Variants in SGK3 observed in about 807,000 individuals in gnomAD.
SGK3 encodes the protein serine/threonine-protein kinase Sgk3.
In SGK3, 47 loss-of-function variants were observed where a neutral mutation model predicts 68.5. That is an observed-to-expected ratio of 0.69 (90% CI 0.54 to 0.87). The LOEUF (loss-of-function observed/expected upper bound fraction) is 0.87. SGK3 is among the 40% of genes least tolerant of loss of function. The probability of loss-of-function intolerance (pLI) is 0.00; values close to 1 mark genes in which losing one functional copy is unlikely to be tolerated. For missense variants in SGK3, 479 were observed against 575.5 expected, an observed-to-expected ratio of 0.83 and a Z score of 1.72; for synonymous variants, 181 against 189.1, an observed-to-expected ratio of 0.96 and a Z score of 0.35.
At chr8:66,792,847 G>A (rs1455054344) in intron 1 of SGK3, among the ~76,000 whole-genome samples, 1 of 152,182 alleles carries the variant, frequency 6.6e-6, no homozygotes, top group Non-Finnish European at 1.5e-5. Context: ...AGGCTGCAGT[G>A]CAGCATGATT....
At chr8:66,744,400 A>T (rs774296419) in intron 1 of SGK3, among the ~76,000 whole-genome samples, 146 of 143,060 alleles carry the variant, frequency 1.0e-3, no homozygotes, top group Non-Finnish European at 1.4e-3. Context: ...GGACCTTTTA[A>T]ATCTGGAATT....
intron 1 of SGK3, among the ~76,000 whole-genome samples, chr8:66,786,145 G>T (rs1434431234): frequency 1.3e-5 from 2 of 152,278 alleles, no homozygotes; most frequent in Admixed American, 6.5e-5. Context: ...GAATAAATAT[G>T]TACTACATGT....
chr8:66,783,376 C>T (rs1184207951), intron 1 of SGK3, among the ~76,000 whole-genome samples: 1 of 152,158 alleles, frequency 6.6e-6, no homozygotes, highest in Non-Finnish European at 1.5e-5. Flanking sequence ...GCTGTATCTT[C>T]TGCAAATGTT....
intron 1 of SGK3, among the ~76,000 whole-genome samples, chr8:66,742,011 A>T (rs952381567): frequency 2.6e-5 from 4 of 152,232 alleles, no homozygotes; most frequent in African/African-American, 9.6e-5. Context: ...AGTGACGTCT[A>T]GTTTGATGTC....
intron 15 of SGK3, among the ~76,000 whole-genome samples, chr8:66,848,177 T>C (rs1039719219): frequency 2.6e-5 from 4 of 152,176 alleles, no homozygotes; most frequent in Admixed American, 2.0e-4. Context: ...TTCCAGACAG[T>C]CTTGCTAATA....
intron 14 of SGK3, among the ~76,000 whole-genome samples, chr8:66,846,400 C>T (rs1359019971): frequency 1.3e-5 from 2 of 152,096 alleles, no homozygotes; most frequent in Non-Finnish European, 2.9e-5. Context: ...CTGCATCCTC[C>T]GCCTCCCAGG....
At chr8:66,836,538 G>A (rs1435521687) in intron 10 of SGK3, among the ~76,000 whole-genome samples, 1 of 151,728 alleles carries the variant, frequency 6.6e-6, no homozygotes. Context: ...CTACTCAGGA[G>A]GCTGAGGCAG....
Position 66,793,677 on chromosome 8 carries a change from G to T in SGK3, c.-60G>T. On this transcript the variant is annotated 5_prime_UTR_variant, in exon 2 of 17. Transcript: ENST00000521198. Reference sequence around the variant, plus strand: ...TTTGTATTTTGGATTAGTTAATTGGGTTTGTCCTCTGCTGACTGTTTCTTC... The same window carrying T: ...TTTGTATTTTGGATTAGTTAATTGGTTTTGTCCTCTGCTGACTGTTTCTTC... 6.5e-7 allele frequency: 1 copy of T among 1,532,492 alleles called. No individual in the cohort carries two copies. Among genetic ancestry groups the T allele is most frequent in the Non-Finnish European group, 8.9e-7 (1 of 1,124,350 alleles). The allele number at this position is 1,532,492 out of a possible 1,614,324, so 94.9% of individuals were successfully genotyped here. A position where few individuals can be genotyped will look rare whatever the true frequency, so the allele number is the denominator to read the frequency against.
At chr8:66,815,900 A>T (rs1165709877) in intron 5 of SGK3, among the ~76,000 whole-genome samples, 1 of 152,226 alleles carries the variant, frequency 6.6e-6, no homozygotes, top group Non-Finnish European at 1.5e-5. Flanking sequence ...TGAGTGTACA[A>T]TTCAATGGAT....
rs1193803165 is a variant in SGK3, at chr8:66,861,184, A to G, written c.*1603A>G. ...AAGTAAATGTATACAGTTTTATTAC[A>G]ATGTAACAAAAGTTGAAAATCAGGC... is the stretch of plus-strand genomic sequence containing the variant. On this transcript the variant is annotated 3_prime_UTR_variant, in exon 17 of 17. Transcript: ENST00000521198. 6.6e-6 allele frequency: 1 copy of G among 152,238 alleles called. No individual in the cohort carries two copies. The highest frequency in any genetic ancestry group is 2.4e-5 in the African/African-American group (1 of 41,468). The allele number at this position is 152,238 out of a possible 1,614,324, so 9.4% of individuals were successfully genotyped here. A position where few individuals can be genotyped will look rare whatever the true frequency, so the allele number is the denominator to read the frequency against.
rs1807838341 is a variant in SGK3 at position 66,799,450 on chromosome 8, G to A, written c.180+825G>A. The stretch of plus-strand genomic sequence containing the variant: ...TCACTATAATACCATATCTTCCACA[G>A]GTAGCAGTGTTTGTGGATAGTGTTG... On this transcript the variant is annotated intron_variant, in intron 3 of 16. Coordinates refer to ENST00000521198, the MANE Select transcript of SGK3 (RefSeq NM_001033578.3). Among the ~76,000 whole-genome samples the A allele has an allele frequency of 1.3e-5, 2 of 152,156 alleles. 1 individual carries two copies. Among genetic ancestry groups the A allele is most frequent in the Non-Finnish European group, 2.9e-5 (2 of 68,046 alleles).
intron 1 of SGK3, among the ~76,000 whole-genome samples, chr8:66,717,094 A>T (rs1048910912): frequency 6.6e-6 from 1 of 151,896 alleles, no homozygotes; most frequent in Non-Finnish European, 1.5e-5. Context: ...AAGCCCAGCT[A>T]CTTGGGAGGC....
chr8:66,834,705 G>T (rs912224553), intron 8 of SGK3, among the ~76,000 whole-genome samples: 3 of 151,972 alleles, frequency 2.0e-5, no homozygotes, highest in Admixed American at 2.0e-4. Context: ...AGGCCCAGAC[G>T]GGTGGATCAC....
chr8:66,765,701 T>C (rs1284096666), intron 1 of SGK3, among the ~76,000 whole-genome samples: 1 of 151,818 alleles, frequency 6.6e-6, no homozygotes, highest in African/African-American at 2.4e-5. Context: ...GACCCATGGG[T>C]TATTAGGGCT....
chr8:66,773,491 C>G (rs1427055208), intron 1 of SGK3, among the ~76,000 whole-genome samples: 1 of 152,112 alleles, frequency 6.6e-6, no homozygotes, highest in Non-Finnish European at 1.5e-5. Context: ...TATGTTTTTT[C>G]CTATATATAC....
chr8:66,825,575 G>A (rs1809022102), intron 6 of SGK3, among the ~76,000 whole-genome samples: 1 of 151,904 alleles, frequency 6.6e-6, no homozygotes, highest in Non-Finnish European at 1.5e-5. Context: ...CTAGAGTGCT[G>A]GGATTACCGG....
chr8:66,745,832 T>C (rs1805639604), intron 1 of SGK3, among the ~76,000 whole-genome samples: 1 of 152,170 alleles, frequency 6.6e-6, no homozygotes, highest in African/African-American at 2.4e-5. Flanking sequence ...AAGGGAAGAA[T>C]ACTGTGTCCT....
At position 66,798,636 on chromosome 8, in the gene SGK3, G is replaced by A. The variant is rs773456533; in HGVS notation, c.180+11G>A. The A allele has an allele frequency of 1.3e-5, 20 of 1,574,276 alleles. No homozygotes were observed. The highest frequency in any genetic ancestry group is 9.0e-5 in the East Asian group (4 of 44,350). On this transcript the variant is annotated intron_variant, in intron 3 of 16. Transcript: ENST00000521198. ...AAACTTTATAACACTGTAAGTAATC[G>A]TCTACAAGATTTCTAATTAAAAGAA...
intron 1 of SGK3, among the ~76,000 whole-genome samples, chr8:66,725,691 T>A (rs1228631361): frequency 2.0e-5 from 3 of 152,090 alleles, no homozygotes; most frequent in Non-Finnish European, 4.4e-5. Flanking sequence ...AGTAGTAATT[T>A]GCAGGTGCCT....
Sources: gnomAD v4.1 joint callset for allele counts (sites outside exome capture counted in the v4.1 genomes callset) on GRCh38, gnomAD v4.1.1 for gene constraint, MANE v1.5 for transcripts, NCBI Gene and HGNC (gene_info 2026-07-23, HGNC 2026-07-21) for gene names.